MYOZ2: variants seen among roughly 807,000 people sequenced by gnomAD.
The protein encoded by MYOZ2 is myozenin-2.
MYOZ2 carries 19 observed loss-of-function variants against 25.4 expected under a neutral mutation model. That is an observed-to-expected ratio of 0.75 (90% CI 0.52 to 1.10). MYOZ2 has a LOEUF of 1.10. Among genes scored for constraint, MYOZ2 ranks in the 50% least tolerant of loss-of-function variants. MYOZ2 has a pLI of 0.00. For missense variants in MYOZ2, 270 were observed against 317.9 expected (o/e 0.85, Z 1.15); for synonymous variants, 92 against 106.9 (o/e 0.86, Z 0.86).
At position 119,187,614 on chromosome 4, in the gene MYOZ2, T is replaced by G. The variant is rs537645868; in HGVS notation, c.*1414T>G. ...TTTATATATATTATTGTAGAGAATTTGTATATTTTTAAAGATGTCTTAAGA... is the reference window on the plus strand; with the variant it reads ...TTTATATATATTATTGTAGAGAATTGGTATATTTTTAAAGATGTCTTAAGA... On this transcript the variant is annotated 3_prime_UTR_variant, in exon 6 of 6. Transcript: ENST00000307128. 2.0e-5 allele frequency: 3 copies of G among 152,192 alleles called. No individual in the cohort carries two copies. In the East Asian group the frequency reaches 5.8e-4, roughly 29 times the overall value. 9.4% of individuals were successfully genotyped at this position (152,192 alleles called of 1,614,324 possible).
intron 2 of MYOZ2, among the ~76,000 whole-genome samples, chr4:119,138,789 G>A (rs955077130): frequency 6.6e-5 from 10 of 151,990 alleles, no homozygotes; most frequent in African/African-American, 2.4e-4. Flanking sequence ...GCTTGGAGGA[G>A]TATAAAATGT....
chr4:119,155,738 T>C (rs924831941), intron 3 of MYOZ2, among the ~76,000 whole-genome samples: 1 of 152,118 alleles, frequency 6.6e-6, no homozygotes, highest in Non-Finnish European at 1.5e-5. Context: ...TTTCTAAAGA[T>C]TGGAGTAATG....
chr4:119,155,065 G>A (rs1179372208), intron 3 of MYOZ2, among the ~76,000 whole-genome samples: 1 of 152,136 alleles, frequency 6.6e-6, no homozygotes, highest in East Asian at 1.9e-4. Flanking sequence ...GAAGGGAAAG[G>A]GGAGTTGGCA....
In MYOZ2 at chr4:119,142,780, A is replaced by T. The variant is rs1047707029; in HGVS notation, c.76+6179A>T. On this transcript the variant is annotated intron_variant, in intron 2 of 5. Transcript: ENST00000307128. The stretch of plus-strand genomic sequence containing the variant: ...TTTTAGAGTTTTAGACTTGCAGGAA[A>T]GTGAGGGAGAAAGTACGATGAGTTG... Among the ~76,000 whole-genome samples the T allele has an allele frequency of 2.0e-5, 3 of 152,202 alleles. No homozygotes were observed. The South Asian group carries it at 6.2e-4, about 32-fold the overall frequency.
intron 5 of MYOZ2, among the ~76,000 whole-genome samples, chr4:119,176,084 A>C (rs1742066658): frequency 6.6e-6 from 1 of 151,986 alleles, no homozygotes; most frequent in Non-Finnish European, 1.5e-5. Context: ...TTTTTTCCTC[A>C]TGTTTCACCG....
intron 5 of MYOZ2, among the ~76,000 whole-genome samples, chr4:119,165,882 G>A (rs1287738433): frequency 6.6e-6 from 1 of 152,134 alleles, no homozygotes; most frequent in Admixed American, 6.6e-5. Context: ...TACACACACT[G>A]GTGTGGTAAT....
At chr4:119,151,683 A>AG (rs1169659401) in intron 3 of MYOZ2, among the ~76,000 whole-genome samples, 2 of 152,214 alleles carry the variant, frequency 1.3e-5, no homozygotes, top group Admixed American at 1.3e-4. Flanking sequence ...TAGAGGAAAA[A>AG]GTTGATAGTA....
chr4:119,157,873 T>C, intron 3 of MYOZ2, 149 bp from the exon 4 acceptor site: 3 of 900,348 alleles, frequency 3.3e-6, no homozygotes, highest in South Asian at 1.6e-5. Context: ...ACCATCTTAC[T>C]ATGAAAAAAA....
intron 5 of MYOZ2, among the ~76,000 whole-genome samples, chr4:119,172,597 C>G (rs1741970033): frequency 6.6e-6 from 1 of 152,160 alleles, no homozygotes; most frequent in Non-Finnish European, 1.5e-5. Flanking sequence ...ATGTTATCCC[C>G]AAGGAAAAAT....
At chr4:119,184,735 G>A (rs192434082) in intron 5 of MYOZ2, among the ~76,000 whole-genome samples, 1 of 152,278 alleles carries the variant, frequency 6.6e-6, no homozygotes, top group Admixed American at 6.5e-5. Flanking sequence ...AAGTTATGTG[G>A]GATCTTGAAT....
At chr4:119,183,423 A>AG (rs919672389) in intron 5 of MYOZ2, among the ~76,000 whole-genome samples, 8 of 143,058 alleles carry the variant, frequency 5.6e-5, no homozygotes, top group Admixed American at 1.4e-4. Flanking sequence ...GCAGAGAGAG[A>AG]AAAAAAAAAG....
intron 3 of MYOZ2, among the ~76,000 whole-genome samples, chr4:119,156,911 G>T (rs1302335045): frequency 6.6e-6 from 1 of 152,134 alleles, no homozygotes; most frequent in African/African-American, 2.4e-5. Flanking sequence ...CATAAAAATG[G>T]AGATAAACTT....
chr4:119,147,633 A>G (rs533390413), intron 2 of MYOZ2, among the ~76,000 whole-genome samples: 1 of 151,520 alleles, frequency 6.6e-6, no homozygotes, highest in Admixed American at 6.6e-5. Context: ...AATCCCAGCT[A>G]CTCGGGAGGC....
At chr4:119,178,764 A>T (rs1311444709) in intron 5 of MYOZ2, among the ~76,000 whole-genome samples, 1 of 152,054 alleles carries the variant, frequency 6.6e-6, no homozygotes, top group Non-Finnish European at 1.5e-5. Context: ...CCACCACCTC[A>T]CCCGGCTAAT....
chr4:119,138,272 T>C (rs1561098895), intron 2 of MYOZ2, among the ~76,000 whole-genome samples: 1 of 152,168 alleles, frequency 6.6e-6, no homozygotes, highest in Non-Finnish European at 1.5e-5. Flanking sequence ...ATGCTCTGTC[T>C]TTGTTGGAAT....
At chr4:119,148,001 C>T (rs376717957) in intron 2 of MYOZ2, among the ~76,000 whole-genome samples, 5 of 151,970 alleles carry the variant, frequency 3.3e-5, no homozygotes, top group South Asian at 2.1e-4. Flanking sequence ...TTTAAGAAAA[C>T]TTCATTTAGT....
At chr4:119,174,171 A>G (rs1742003658) in intron 5 of MYOZ2, among the ~76,000 whole-genome samples, 1 of 152,216 alleles carries the variant, frequency 6.6e-6, no homozygotes, top group Non-Finnish European at 1.5e-5. Flanking sequence ...GAGGAGTGCA[A>G]GCGCACGGCG....
intron 5 of MYOZ2, among the ~76,000 whole-genome samples, chr4:119,173,401 C>T (rs948074844): frequency 2.0e-5 from 3 of 152,210 alleles, no homozygotes; most frequent in African/African-American, 7.2e-5. Flanking sequence ...TTGACTTAAA[C>T]TTGAAACTAT....
rs913315923 is a variant in MYOZ2 at position 119,164,500 on chromosome 4, G to T, written c.560+106G>T. 1.7e-5 allele frequency: 19 copies of T among 1,132,754 alleles called. 1 individual carries two copies. The South Asian group carries it at 2.5e-4, about 15-fold the overall frequency. 70.2% of individuals were successfully genotyped at this position (1,132,754 alleles called of 1,614,324 possible). ...GGTAGAAAGCAATTTTTTCTTTTGA[G>T]AAAAGAATCTAAATAGCAATATAGG... On this transcript the variant is annotated intron_variant, in intron 5 of 5. Coordinates refer to ENST00000307128, the MANE Select transcript of MYOZ2 (RefSeq NM_016599.5).
Sources: allele counts gnomAD v4.1 joint callset (sites outside exome capture counted in the v4.1 genomes callset), GRCh38; gene constraint gnomAD v4.1.1; transcripts MANE v1.5; gene names NCBI Gene and HGNC (gene_info 2026-07-23, HGNC 2026-07-21).